NEB: variants seen among roughly 807,000 people sequenced by gnomAD.
NEB encodes nemaline myopathy type 2.
NEB carries 512 observed loss-of-function variants against 952.2 expected under a neutral mutation model. The ratio of observed to expected loss-of-function variants is 0.54; its 90% CI spans 0.50 to 0.58. The LOEUF (loss-of-function observed/expected upper bound fraction) is 0.58. NEB is among the 20% of genes least tolerant of loss of function. The pLI, the probability that NEB is intolerant of heterozygous loss-of-function variation, is 0.00. For missense variants in NEB, 8,428 were observed against 9,231.1 expected, an observed-to-expected ratio of 0.91 and a Z score of 3.56; for synonymous variants, 2,900 against 3,149.8, an observed-to-expected ratio of 0.92 and a Z score of 2.66.
rs776308790 is a variant in NEB at position 151,619,594 on chromosome 2, C to G, written c.10729G>C (p.Asp3577His). 2.5e-6 allele frequency: 4 copies of G among 1,613,854 alleles called. No homozygotes were observed. In the African/African-American group the frequency reaches 5.3e-5, roughly 22 times the overall value. ...TTGGCCAAAACGATACCAAGCATGT[C>G]CACTGGGCTGCTGTACCTTGTCTTG... ...KYKTRYSSPV[D>H]MLGIVLAKKC... Residue 3577 changes from aspartate (D) to histidine (H), a missense_variant, in exon 73 of 182, where the codon GAC (aspartate) becomes CAC (histidine). Coordinates refer to ENST00000397345, the MANE Select transcript of NEB (RefSeq NM_001164508.2).
intron 161 of NEB, among the ~76,000 whole-genome samples, chr2:151,510,624 T>C (rs2073434894): frequency 6.6e-6 from 1 of 152,254 alleles, no homozygotes; most frequent in Non-Finnish European, 1.5e-5. Context: ...ATATAACTTT[T>C]ATTACAGTAT....
intron 176 of NEB, chr2:151,493,065 T>C: frequency 3.1e-6 from 1 of 319,596 alleles, no homozygotes; most frequent in East Asian, 7.0e-5. Flanking sequence ...GTTGGTTACG[T>C]AGAACTACCT....
In NEB at chr2:151,696,789, T is replaced by G. The variant is rs73007959; in HGVS notation, c.1471-54A>C. 1.3e-3 allele frequency: 1,763 copies of G among 1,379,604 alleles called. 16 individuals carry two copies. In the African/African-American group the frequency reaches 0.022, roughly 17 times the overall value. 85.5% of individuals were successfully genotyped at this position (1,379,604 alleles called of 1,614,324 possible). On this transcript the variant is annotated intron_variant, in intron 16 of 181. Transcript: ENST00000397345. The stretch of plus-strand genomic sequence containing the variant: ...GTAGTATCACCTGTCAGATCCAAGG[T>G]GGCCCACAGGCCAAGCAAATAGAAC...
chr2:151,510,541 A>G (rs2073351327), intron 161 of NEB, among the ~76,000 whole-genome samples: 1 of 152,222 alleles, frequency 6.6e-6, no homozygotes, highest in South Asian at 2.1e-4. Flanking sequence ...ACTGTAGTCA[A>G]CCTCGGTCAA....
At chr2:151,496,467 A>T (rs762134844) in intron 172 of NEB, 99 bp from the exon 173 acceptor site, 10 of 1,473,900 alleles carry the variant, frequency 6.8e-6, no homozygotes, top group South Asian at 3.9e-5. Context: ...AAGAAAACAC[A>T]GTCGTCCAAG....
intron 105 of NEB, among the ~76,000 whole-genome samples, chr2:151,576,907 A>G (rs999973260): frequency 6.6e-6 from 1 of 152,172 alleles, no homozygotes; most frequent in Non-Finnish European, 1.5e-5. Flanking sequence ...CCTCAAATGC[A>G]CAATGGCATT....
chr2:151,729,185 C>T (rs144336912), intron 4 of NEB, among the ~76,000 whole-genome samples: 18 of 152,288 alleles, frequency 1.2e-4, no homozygotes, highest in Admixed American at 1.2e-3. Flanking sequence ...CCTGGAGACA[C>T]CATCCCTGGT....
chr2:151,670,111 C>T (rs1376693468), intron 38 of NEB, among the ~76,000 whole-genome samples: 1 of 152,144 alleles, frequency 6.6e-6, no homozygotes, highest in Non-Finnish European at 1.5e-5. Flanking sequence ...ACTGGAAAAA[C>T]ACCATGAGAA....
intron 181 of NEB, chr2:151,486,600 A>C (rs1469720021): frequency 6.6e-6 from 1 of 152,316 alleles, no homozygotes; most frequent in Non-Finnish European, 1.5e-5. Flanking sequence ...GAAACAACTT[A>C]AATGCCCACC....
chr2:151,555,001 G>A lies in NEB; in HGVS notation c.19358C>T (p.Thr6453Met), dbSNP rs370810654. The A allele has an allele frequency of 3.5e-5, 56 of 1,613,648 alleles. No homozygotes were observed. The African/African-American group carries it at 4.5e-4, about 13-fold the overall frequency. ...EEYEKFKALY[T>M]LPRSVDDDPN... ...ATCATCGTCAACACTTCTTGGTAAC[G>A]TATAAAGAGCTTTGAACTTTTCATA... The change falls in exon 125 of 182, where the codon ACG (threonine) becomes ATG (methionine). Residue 6453 changes from threonine (T) to methionine (M), a missense_variant. Physicochemically the swap from Thr to Met is moderately conservative, Grantham distance 81. Around this residue, in one of 11 missense-constraint regions of NEB, gnomAD observed 3,374 missense variants for 3,651.5 expected, o/e 0.92. Transcript: ENST00000397345.
At chr2:151,657,798 T>C (rs897767536) in intron 48 of NEB, among the ~76,000 whole-genome samples, 185 bp downstream of exon 48, 23 of 152,160 alleles carry the variant, frequency 1.5e-4, no homozygotes, top group African/African-American at 5.5e-4. Flanking sequence ...AGGGTCACCA[T>C]GTGGTTAGCT....
intron 176 of NEB, chr2:151,493,085 G>T: frequency 2.6e-6 from 1 of 377,534 alleles, no homozygotes; most frequent in Non-Finnish European, 4.8e-6. Flanking sequence ...TCAAAGTATA[G>T]GGGAAGGAAA....
intron 36 of NEB, 108 bp from the exon 37 acceptor site, chr2:151,672,788 G>C: frequency 9.2e-7 from 1 of 1,088,612 alleles, no homozygotes; most frequent in Non-Finnish European, 1.3e-6. Flanking sequence ...TCTCAAGAGT[G>C]TACAAAAAAT....
At position 151,687,349 on chromosome 2, in the gene NEB, C is replaced by T; in HGVS notation, c.2637+70G>A. On this transcript the variant is annotated intron_variant, in intron 27 of 181. Transcript: ENST00000397345. ...CCCATGCTCATGAAATTCTTTTCCA[C>T]ACTACTACCCTTGGGCATCGTAACA... The T allele has an allele frequency of 2.3e-6, 3 of 1,328,426 alleles. No individual in the cohort carries two copies. The South Asian group carries it at 3.7e-5, about 17-fold the overall frequency. 82.3% of individuals were successfully genotyped at this position (1,328,426 alleles called of 1,614,324 possible).
chr2:151,652,587 T>C (rs2099043014), intron 52 of NEB, among the ~76,000 whole-genome samples: 1 of 152,186 alleles, frequency 6.6e-6, no homozygotes, highest in African/African-American at 2.4e-5. Flanking sequence ...GGTAGGATGC[T>C]GAGTGGGAGA....
rs777319212 is a variant in NEB at position 151,655,931 on chromosome 2, A to G, written c.6588T>C (p.Thr2196=). The G allele has an allele frequency of 1.9e-6, 3 of 1,613,660 alleles. No homozygotes were observed. The highest frequency in any genetic ancestry group is 1.3e-5 in the African/African-American group (1 of 74,876). ...GGTATTTCTGATCACTGGCATATTC[A>G]GTTGCTTTCTTGGCCTTCTCCACTT... ...SLEVEKAKKA[T]EYASDQKYRQ... is the part of the protein sequence containing the mutation. The change falls in exon 50 of 182, where the codon ACT becomes ACC. Residue 2196 remains threonine (T), a synonymous_variant. Coordinates refer to ENST00000397345, the MANE Select transcript of NEB (RefSeq NM_001164508.2).
chr2:151,570,686 GCA>G, intron 107 of NEB, 85 bp from the exon 108 acceptor site: 3 of 1,246,102 alleles, frequency 2.4e-6, no homozygotes, highest in Non-Finnish European at 3.4e-6. Flanking sequence ...TACCACAGGG[GCA>G]CAGTTTTGAA....
chr2:151,614,709 T>C, intron 76 of NEB, 122 bp from the exon 77 acceptor site: 1 of 1,177,112 alleles, frequency 8.5e-7, no homozygotes, highest in Non-Finnish European at 1.2e-6. Flanking sequence ...GAAAAGTGAG[T>C]ATCATCAACC....
chr2:151,492,537 C>A, intron 176 of NEB, 43 bp from the exon 177 acceptor site: 1 of 1,437,900 alleles, frequency 7.0e-7, no homozygotes, highest in Non-Finnish European at 9.7e-7. Flanking sequence ...TGTCCTAAAT[C>A]TGAAACCTCA....
Sources: gnomAD v4.1 joint callset for allele counts (sites outside exome capture counted in the v4.1 genomes callset) on GRCh38, gnomAD v4.1.1 for gene constraint, gnomAD v4.1.1 regional missense constraint, MANE v1.5 for transcripts, NCBI Gene and HGNC (gene_info 2026-07-23, HGNC 2026-07-21) for gene names.